The following AP4S1 variants were observed in gnomAD, a reference collection of about 807,000 sequenced individuals.
AP4S1 encodes the protein adaptor related protein complex 4 subunit sigma 1, also known as AP-4 complex subunit sigma-1.
Under a neutral mutation model 19.8 loss-of-function variants are expected in AP4S1, and 23 were observed. The observed-to-expected ratio is 1.16, with a 90% confidence interval of 0.84 to 1.65. The LOEUF (loss-of-function observed/expected upper bound fraction) is 1.65, where lower values mean the gene tolerates loss of function less well. AP4S1 is among the 40% of genes most tolerant of loss of function. The pLI is 0.00. For synonymous variants in AP4S1, 46 were observed against 54.1 expected, an observed-to-expected ratio of 0.85 and a Z score of 0.66; for missense variants, 166 against 172.8, an observed-to-expected ratio of 0.96 and a Z score of 0.22.
At chr14:31,071,033 C>G (rs1045726884) in intron 3 of AP4S1, among the ~76,000 whole-genome samples, 2 of 151,700 alleles carry the variant, frequency 1.3e-5, no homozygotes, top group Non-Finnish European at 2.9e-5. Flanking sequence ...GCCTGGGCGA[C>G]AGAGTGAGAC....
intron 5 of AP4S1, among the ~76,000 whole-genome samples, chr14:31,088,921 C>G (rs1029648576): frequency 2.0e-5 from 3 of 151,512 alleles, no homozygotes; most frequent in Admixed American, 2.0e-4. Flanking sequence ...CTTTGTGAGG[C>G]CGAGAAAGGC....
At chr14:31,072,802 A>G (rs1276236203) in intron 3 of AP4S1, 103 bp from the exon 4 acceptor site, 12 of 911,236 alleles carry the variant, frequency 1.3e-5, no homozygotes, top group Non-Finnish European at 2.0e-5. Context: ...TCGGTTCACT[A>G]AGCCACATGC....
chr14:31,066,192 GA>G lies in AP4S1; in HGVS notation c.1del, dbSNP rs763749889. 4.3e-6 allele frequency: 7 copies of G among 1,613,596 alleles called. No homozygotes were observed. The African/African-American group carries it at 8.0e-5, about 18-fold the overall frequency. ...ATTTGGAAAAATACTGGCCAGGAAA[GA>G]AAAATGATAAAATTTTTCCTCATGG... is the stretch of plus-strand genomic sequence containing the variant. On this transcript the variant is annotated 5_prime_UTR_variant, in exon 2 of 6. Transcript: ENST00000542754.
At chr14:31,088,038 C>A (rs1177804761) in intron 5 of AP4S1, among the ~76,000 whole-genome samples, 1 of 152,172 alleles carries the variant, frequency 6.6e-6, no homozygotes, top group Non-Finnish European at 1.5e-5. Context: ...GGACCCAGGG[C>A]CTTCTCCAGC....
intron 1 of AP4S1, among the ~76,000 whole-genome samples, chr14:31,054,883 A>C (rs920466971): frequency 6.7e-6 from 1 of 148,218 alleles, no homozygotes; most frequent in East Asian, 2.0e-4. Context: ...AAAAAAAAAA[A>C]AAAAAAAAAA....
At chr14:31,035,839 C>T (rs368120777) in intron 1 of AP4S1, among the ~76,000 whole-genome samples, 1 of 131,782 alleles carries the variant, frequency 7.6e-6, no homozygotes, top group Non-Finnish European at 1.6e-5. Flanking sequence ...ACTCCATTCT[C>T]CTGCCTCAGC....
In AP4S1 at chr14:31,055,002, A is replaced by G. The variant is rs571066006; in HGVS notation, c.-71-11124A>G. On this transcript the variant is annotated intron_variant, in intron 1 of 5. Coordinates refer to ENST00000542754, the MANE Select transcript of AP4S1 (RefSeq NM_001128126.3). ...AAAAAGACATAACCTCTGTCTAATA[A>G]TAACATCAGACAAATCCCAATCAGG... Among the ~76,000 whole-genome samples, 7 of 151,428 alleles carry G rather than the reference A, an allele frequency of 4.6e-5. No individual in the cohort carries two copies. In the South Asian group the frequency reaches 1.5e-3, roughly 31 times the overall value.
intron 5 of AP4S1, among the ~76,000 whole-genome samples, chr14:31,086,963 A>G (rs989836437): frequency 3.3e-5 from 5 of 152,078 alleles, no homozygotes; most frequent in Admixed American, 1.3e-4. Flanking sequence ...GGCTCAAGCA[A>G]TCCTTCCACC....
chr14:31,069,754 G>A (rs181577265), intron 2 of AP4S1, 89 bp from the exon 3 acceptor site: 10 of 961,322 alleles, frequency 1.0e-5, no homozygotes, highest in East Asian at 2.4e-5. Flanking sequence ...AATGTTTGTC[G>A]GGTAAATCAG....
intron 5 of AP4S1, chr14:31,084,679 C>T: frequency 1.9e-6 from 3 of 1,585,492 alleles, no homozygotes; most frequent in Non-Finnish European, 2.6e-6. Flanking sequence ...ATTTGTGAAG[C>T]CTGTTTCTAC....
chr14:31,065,591 G>A (rs534347912), intron 1 of AP4S1, among the ~76,000 whole-genome samples: 1 of 152,286 alleles, frequency 6.6e-6, no homozygotes, highest in South Asian at 2.1e-4. Flanking sequence ...TACTGCAGTT[G>A]CTCAGAATTA....
chr14:31,065,485 A>G (rs1441929671), intron 1 of AP4S1, among the ~76,000 whole-genome samples: 3 of 152,156 alleles, frequency 2.0e-5, no homozygotes, highest in Non-Finnish European at 4.4e-5. Context: ...GAAGATCAGA[A>G]GTCCTTACTA....
chr14:31,072,788 A>G (rs1008874966), intron 3 of AP4S1, 117 bp from the exon 4 acceptor site: 2 of 797,046 alleles, frequency 2.5e-6, no homozygotes, highest in Non-Finnish European at 4.4e-6. Flanking sequence ...CTTTCCTCAC[A>G]TTATCGGTTC....
intron 1 of AP4S1, among the ~76,000 whole-genome samples, chr14:31,037,529 G>A (rs996210062): frequency 1.3e-5 from 2 of 151,966 alleles, no homozygotes; most frequent in East Asian, 1.9e-4. Context: ...ATTTTCATCC[G>A]ACCACTATTA....
chr14:31,067,853 C>G (rs1247554528), intron 2 of AP4S1, among the ~76,000 whole-genome samples: 2 of 150,764 alleles, frequency 1.3e-5, no homozygotes, highest in African/African-American at 2.4e-5. Flanking sequence ...AATTTTTTCC[C>G]TAGCTCATAC....
intron 1 of AP4S1, among the ~76,000 whole-genome samples, chr14:31,064,158 G>A (rs1327992402): frequency 6.6e-6 from 1 of 152,220 alleles, no homozygotes; most frequent in Admixed American, 6.5e-5. Flanking sequence ...TGAGGAGGAT[G>A]AGTTAGGGGT....
At chr14:31,045,626 C>T (rs114633283) in intron 1 of AP4S1, among the ~76,000 whole-genome samples, 1,528 of 152,220 alleles carry the variant, frequency 0.01, 31 homozygotes, top group African/African-American at 0.034. Flanking sequence ...TACCTAGTCT[C>T]GGGCAGTTCT....
At chr14:31,035,051 A>G (rs1884645550) in intron 1 of AP4S1, among the ~76,000 whole-genome samples, 1 of 152,134 alleles carries the variant, frequency 6.6e-6, no homozygotes, top group Non-Finnish European at 1.5e-5. Context: ...TGTGTGAAGA[A>G]ATGTTTAACG....
intron 3 of AP4S1, among the ~76,000 whole-genome samples, chr14:31,071,889 TTTTA>T (rs199990301): frequency 7.8e-4 from 116 of 148,388 alleles, no homozygotes; most frequent in African/African-American, 2.7e-3. Flanking sequence ...ATATTTTTAC[TTTTA>T]TTTATTTATT....
Sources: allele counts gnomAD v4.1 joint callset (sites outside exome capture counted in the v4.1 genomes callset), GRCh38; gene constraint gnomAD v4.1.1; transcripts MANE v1.5; gene names NCBI Gene and HGNC (gene_info 2026-07-23, HGNC 2026-07-21).